The following MTA1 variants were observed in gnomAD, a reference collection of about 807,000 sequenced individuals.
MTA1 encodes the protein metastasis associated 1, also known as metastasis-associated protein MTA1.
MTA1 carries 15 observed loss-of-function variants against 97.0 expected under a neutral mutation model. That is an observed-to-expected ratio of 0.15 (90% CI 0.10 to 0.24). The LOEUF is 0.24. Ranked by LOEUF, MTA1 falls within the 10% of genes least tolerant of loss-of-function variation. The pLI is 1.00. For synonymous variants in MTA1, 435 were observed against 417.5 expected (o/e 1.04, Z -0.51); for missense variants, 709 against 1,015.1 (o/e 0.70, Z 4.10).
intron 2 of MTA1, among the ~76,000 whole-genome samples, chr14:105,442,204 G>A (rs1468587775): frequency 2.0e-5 from 3 of 152,206 alleles, no homozygotes; most frequent in African/African-American, 2.4e-5. Context: ...ACGAAGCACC[G>A]GAGTCAAAAC....
intron 8 of MTA1, among the ~76,000 whole-genome samples, chr14:105,458,702 G>A (rs1214960030): frequency 1.3e-5 from 2 of 152,216 alleles, no homozygotes; most frequent in African/African-American, 4.8e-5. Flanking sequence ...CCTGGTCATG[G>A]AGCAGAGCAG....
Position 105,464,564 on chromosome 14 carries a change from C to T in MTA1, c.1341C>T (p.Asn447=). ...DGERPGPNRS[N]MSPHGLPARS... ...AGAGGCCAGGACCAAACCGCAGTAA[C>T]ATGGTAAGGGGGGGGACACCCGCCC... The change falls in exon 14 of 21, where the codon AAC becomes AAT. Residue 447 remains asparagine (N), a synonymous_variant. Transcript: ENST00000331320. 6.2e-7 allele frequency: 1 copy of T among 1,612,766 alleles called. No homozygotes were observed.
chr14:105,452,430 G>A (rs2082980390), intron 6 of MTA1, among the ~76,000 whole-genome samples: 1 of 152,256 alleles, frequency 6.6e-6, no homozygotes. Context: ...TGTAATCCCA[G>A]CACTTTGGGA....
intron 1 of MTA1, among the ~76,000 whole-genome samples, chr14:105,425,989 C>T (rs947938375): frequency 6.6e-6 from 1 of 152,128 alleles, no homozygotes; most frequent in Non-Finnish European, 1.5e-5. Flanking sequence ...CTCCCTGGGG[C>T]GGGCCTCAGC....
chr14:105,435,771 A>G (rs1008147992), intron 1 of MTA1, among the ~76,000 whole-genome samples: 16 of 152,186 alleles, frequency 1.1e-4, no homozygotes, highest in African/African-American at 3.9e-4. Flanking sequence ...TGGTGTTTAT[A>G]TCTTTCAAGC....
intron 10 of MTA1, among the ~76,000 whole-genome samples, chr14:105,462,560 ACT>A (rs149408023): frequency 0.041 from 6,167 of 151,482 alleles, 436 homozygotes; most frequent in African/African-American, 0.14. Context: ...ACAGTGCGAG[ACT>A]CTGTCTCAAA....
intron 1 of MTA1, among the ~76,000 whole-genome samples, chr14:105,423,680 G>A (rs1213952896): frequency 6.6e-6 from 1 of 152,280 alleles, no homozygotes; most frequent in Non-Finnish European, 1.5e-5. Flanking sequence ...GAAGCACCCT[G>A]TCCGTGCTGC....
At chr14:105,455,609 A>G (rs4983412) in intron 7 of MTA1, among the ~76,000 whole-genome samples, 134,839 of 152,266 alleles carry the variant, frequency 0.89, 62,025 homozygotes, top group East Asian at 1. Context: ...TTGAAGTCCT[A>G]GGCCCCAGCG....
Position 105,463,907 on chromosome 14 carries a change from G to A in MTA1, c.1077-125G>A, listed in dbSNP as rs184256748. On this transcript the variant is annotated intron_variant, in intron 12 of 20. Transcript: ENST00000331320. This position sits in a 1 kb window ranked among gnomAD's most constrained non-coding sequence, Gnocchi z 5.9. Reference sequence around the variant, plus strand: ...AAGGGGAGAAAGGAAGATCCCTGCCGAGGCCGAGGGGTGCGAGGACGTGGT... The same window carrying A: ...AAGGGGAGAAAGGAAGATCCCTGCCAAGGCCGAGGGGTGCGAGGACGTGGT... The A allele has an allele frequency of 1.5e-3, 1,306 of 894,620 alleles. 17 individuals are homozygous for A. In the Admixed American group the frequency reaches 0.025, roughly 17 times the overall value. The allele number at this position is 894,620 out of a possible 1,614,324, so 55.4% of individuals were successfully genotyped here.
chr14:105,468,286 TC>T (rs2083681705), intron 18 of MTA1: 1 of 1,302,536 alleles, frequency 7.7e-7, no homozygotes, highest in Non-Finnish European at 1.0e-6. Context: ...TGCGTGTGGC[TC>T]ACTAACCTAA....
In MTA1 at chr14:105,450,274, G is replaced by A; in HGVS notation, c.382G>A (p.Val128Ile). Reference sequence around the variant, plus strand: ...CTTCTCTTCCAGGGGCAAGTGCAGCGTCACCCTGCTCAACGAGACCGAGTC... The same window carrying A: ...CTTCTCTTCCAGGGGCAAGTGCAGCATCACCCTGCTCAACGAGACCGAGTC... Reference protein sequence around the residue: ...PATHIRGKCSVTLLNETESLK... With the variant: ...PATHIRGKCSITLLNETESLK... Residue 128 changes from valine (V) to isoleucine (I), a missense_variant, in exon 6 of 21, where the codon GTC becomes ATC. Physicochemically the swap from Val to Ile is conservative, Grantham distance 29. Transcript: ENST00000331320. The A allele has an allele frequency of 1.2e-6, 2 of 1,609,010 alleles. No homozygotes were observed. The highest frequency in any genetic ancestry group is 1.7e-6 in the Non-Finnish European group (2 of 1,176,544).
At chr14:105,427,192 T>C (rs1394506681) in intron 1 of MTA1, among the ~76,000 whole-genome samples, 1 of 152,244 alleles carries the variant, frequency 6.6e-6, no homozygotes, top group African/African-American at 2.4e-5. Flanking sequence ...CTTATGTCAC[T>C]TTCCCAGTCA....
intron 1 of MTA1, among the ~76,000 whole-genome samples, chr14:105,429,555 C>T (rs1463428438): frequency 6.0e-5 from 9 of 151,168 alleles, no homozygotes; most frequent in African/African-American, 2.2e-4. Flanking sequence ...AGGTTCACGC[C>T]ATTCTCTTGC....
At chr14:105,460,605 AT>A (rs1222182964) in intron 9 of MTA1, 148 bp downstream of exon 9, 14 of 1,191,962 alleles carry the variant, frequency 1.2e-5, no homozygotes, top group Non-Finnish European at 1.5e-5. Flanking sequence ...GGCCTTTCCT[AT>A]CCACCCCAAA....
In MTA1 at chr14:105,457,817, CAGG is replaced by C. The variant is rs2083209104; in HGVS notation, c.551-449_551-447del. 2.0e-5 allele frequency among the ~76,000 whole-genome samples: 3 copies of C among 152,144 alleles called. No homozygotes were observed. In the South Asian group the frequency reaches 6.2e-4, roughly 32 times the overall value. On this transcript the variant is annotated intron_variant, in intron 7 of 20. Coordinates refer to ENST00000331320, the MANE Select transcript of MTA1 (RefSeq NM_004689.4). ...GTCGGTGCCTGTGGTCCCAGCTACT[CAGG>C]AGGCTGAGGCAGGAGAATCGCTTGA...
At chr14:105,466,842 C>A in intron 18 of MTA1, 100 bp downstream of exon 18, 1 of 1,257,306 alleles carries the variant, frequency 8.0e-7, no homozygotes, top group Non-Finnish European at 1.1e-6. Flanking sequence ...AGGGCCCATG[C>A]TTGGGGCAGT....
chr14:105,461,431 C>T (rs1274589568), intron 10 of MTA1, among the ~76,000 whole-genome samples: 1 of 152,220 alleles, frequency 6.6e-6, no homozygotes, highest in Non-Finnish European at 1.5e-5. Context: ...CCCTGTACCT[C>T]CACCTCAGGA....
At chr14:105,456,751 G>A (rs1037036596) in intron 7 of MTA1, among the ~76,000 whole-genome samples, 10 of 152,216 alleles carry the variant, frequency 6.6e-5, no homozygotes, top group Non-Finnish European at 1.2e-4. Context: ...CTTCTTGGCC[G>A]TCAGGGAGCT....
intron 1 of MTA1, among the ~76,000 whole-genome samples, chr14:105,428,319 C>T (rs2082073608): frequency 6.6e-6 from 1 of 152,038 alleles, no homozygotes; most frequent in Non-Finnish European, 1.5e-5. Context: ...GAGATAAGGT[C>T]TCAGTCTGTC....
Sources: gnomAD v4.1 joint callset for allele counts (sites outside exome capture counted in the v4.1 genomes callset) on GRCh38, gnomAD v4.1.1 for gene constraint, Gnocchi (gnomAD v3.1) non-coding constraint, MANE v1.5 for transcripts, NCBI Gene and HGNC (gene_info 2026-07-23, HGNC 2026-07-21) for gene names.